Variants in SYT1 observed in about 807,000 individuals in gnomAD.
The protein encoded by SYT1 is synaptotagmin 1.
A neutral mutation model predicts 44.8 loss-of-function variants in SYT1; 8 were observed. That is an observed-to-expected ratio of 0.18 (90% confidence interval 0.10 to 0.32). The LOEUF is 0.32. Ranked by LOEUF, SYT1 falls within the 10% of genes least tolerant of loss-of-function variation. SYT1 has a pLI of 1.00. For missense variants in SYT1, 286 were observed against 509.3 expected (o/e 0.56, Z 4.22); for synonymous variants, 154 against 188.8 (o/e 0.82, Z 1.51).
At chr12:79,135,028 A>G (rs909246842) in intron 3 of SYT1, among the ~76,000 whole-genome samples, 3 of 151,956 alleles carry the variant, frequency 2.0e-5, no homozygotes, top group African/African-American at 7.3e-5. Context: ...CAATGTGTTA[A>G]CTAACTTGAT....
At chr12:79,363,411 A>G (rs1386777710) in intron 9 of SYT1, among the ~76,000 whole-genome samples, 2 of 152,014 alleles carry the variant, frequency 1.3e-5, no homozygotes, top group African/African-American at 4.8e-5. Flanking sequence ...AAATGGAAAC[A>G]TCAAAGACAG....
intron 9 of SYT1, among the ~76,000 whole-genome samples, chr12:79,370,316 A>G (rs1482681263): frequency 1.3e-5 from 2 of 152,208 alleles, no homozygotes; most frequent in African/African-American, 4.8e-5. Context: ...CAAAGAGGAC[A>G]TAACTGTCTG....
At chr12:79,406,093 A>C (rs1280231277) in intron 9 of SYT1, among the ~76,000 whole-genome samples, 1 of 152,164 alleles carries the variant, frequency 6.6e-6, no homozygotes. Flanking sequence ...AGTAAGACCA[A>C]GTGGAGCATT....
intron 4 of SYT1, among the ~76,000 whole-genome samples, chr12:79,229,049 A>T (rs986374654): frequency 2.6e-5 from 4 of 152,200 alleles, no homozygotes; most frequent in Non-Finnish European, 5.9e-5. Flanking sequence ...TAAATTAGCC[A>T]AAGGCAGGAC....
chr12:79,116,919 A>G (rs1017268352), intron 3 of SYT1, among the ~76,000 whole-genome samples: 5 of 152,172 alleles, frequency 3.3e-5, no homozygotes, highest in African/African-American at 4.8e-5. Flanking sequence ...GTAAGATTCT[A>G]TCTGGGCTCC....
In SYT1 at chr12:79,449,230, T is replaced by TAAC; in HGVS notation, c.*108_*110dup. On this transcript the variant is annotated 3_prime_UTR_variant, in exon 11 of 11. Coordinates refer to ENST00000261205, the MANE Select transcript of SYT1 (RefSeq NM_005639.3). ...TTTCATTTTTCCAGCCATGCATTCC[T>TAAC]AACACAATTCAGTGGTACTTGGAAT... The TAAC allele has an allele frequency of 4.2e-6, 5 of 1,186,224 alleles. No individual in the cohort carries two copies. Among genetic ancestry groups the TAAC allele is most frequent in the Non-Finnish European group, 5.9e-6 (5 of 842,790 alleles). 73.5% of individuals were successfully genotyped at this position (1,186,224 alleles called of 1,614,324 possible).
intron 4 of SYT1, among the ~76,000 whole-genome samples, chr12:79,263,037 G>A (rs990616689): frequency 1.6e-4 from 24 of 152,162 alleles, no homozygotes; most frequent in African/African-American, 5.8e-4. Flanking sequence ...ACATATGGTC[G>A]CTTACTGCCC....
At chr12:79,301,345 T>C (rs1480243253) in intron 8 of SYT1, among the ~76,000 whole-genome samples, 1 of 152,150 alleles carries the variant, frequency 6.6e-6, no homozygotes, top group African/African-American at 2.4e-5. Context: ...AATGTTTTTT[T>C]CTGAGCTAAG....
chr12:78,938,242 A>T (rs943145295), intron 1 of SYT1, among the ~76,000 whole-genome samples: 4 of 152,070 alleles, frequency 2.6e-5, no homozygotes, highest in Admixed American at 6.6e-5. Context: ...GGAAAATAGG[A>T]CACAGAAAGA....
chr12:79,118,544 A>T (rs376626414), intron 3 of SYT1, among the ~76,000 whole-genome samples: 1 of 152,202 alleles, frequency 6.6e-6, no homozygotes, highest in Non-Finnish European at 1.5e-5. Flanking sequence ...CAAGTTTACC[A>T]TCTCCACCAT....
chr12:79,321,685 G>C (rs1314276900), intron 8 of SYT1, among the ~76,000 whole-genome samples: 1 of 152,170 alleles, frequency 6.6e-6, no homozygotes. Context: ...GTTTGAGTCT[G>C]AGACTAGTAT....
At chr12:79,117,317 A>G (rs1030068956) in intron 3 of SYT1, among the ~76,000 whole-genome samples, 7 of 152,052 alleles carry the variant, frequency 4.6e-5, no homozygotes, top group African/African-American at 1.7e-4. Flanking sequence ...TAATGAAGTC[A>G]TTATCCATGC....
intron 4 of SYT1, among the ~76,000 whole-genome samples, chr12:79,252,437 G>C (rs755091719): frequency 6.6e-6 from 1 of 152,014 alleles, no homozygotes; most frequent in Non-Finnish European, 1.5e-5. Context: ...TTCTGACTGC[G>C]CCTGCTTAGG....
At chr12:79,153,659 C>T (rs1047567161) in intron 3 of SYT1, among the ~76,000 whole-genome samples, 3 of 152,096 alleles carry the variant, frequency 2.0e-5, no homozygotes, top group Non-Finnish European at 4.4e-5. Flanking sequence ...AATGCTTTTA[C>T]TTCGTTAAGT....
chr12:79,255,314 C>T (rs909530263), intron 4 of SYT1, among the ~76,000 whole-genome samples: 2 of 152,184 alleles, frequency 1.3e-5, no homozygotes, highest in African/African-American at 4.8e-5. Context: ...CTCAGATGAT[C>T]GTCAGCATTT....
At chr12:79,378,549 A>T (rs943992004) in intron 9 of SYT1, among the ~76,000 whole-genome samples, 2 of 152,208 alleles carry the variant, frequency 1.3e-5, no homozygotes, top group African/African-American at 4.8e-5. Context: ...GACTTCATTA[A>T]AAACAAATCT....
chr12:79,286,281 G>A (rs981285728), intron 5 of SYT1, among the ~76,000 whole-genome samples: 3 of 152,160 alleles, frequency 2.0e-5, no homozygotes, highest in Admixed American at 6.5e-5. Context: ...TCTTCATTGC[G>A]TTTAGAGTTA....
At chr12:79,052,068 G>T (rs1238847889) in intron 3 of SYT1, among the ~76,000 whole-genome samples, 1 of 152,082 alleles carries the variant, frequency 6.6e-6, no homozygotes, top group African/African-American at 2.4e-5. Context: ...TGTGAAGAAA[G>T]TCATTGGTAG....
At chr12:79,370,489 G>A (rs1278103305) in intron 9 of SYT1, among the ~76,000 whole-genome samples, 1 of 152,104 alleles carries the variant, frequency 6.6e-6, no homozygotes, top group African/African-American at 2.4e-5. Flanking sequence ...AGGGCCGGGC[G>A]CGGTGGCTCA....
Sources: allele counts gnomAD v4.1 joint callset (sites outside exome capture counted in the v4.1 genomes callset), GRCh38; gene constraint gnomAD v4.1.1; transcripts MANE v1.5; gene names NCBI Gene and HGNC (gene_info 2026-07-23, HGNC 2026-07-21).